ABTB3: variants seen among roughly 807,000 people sequenced by gnomAD.
The protein encoded by ABTB3 is ankyrin repeat- and BTB/POZ domain-containing protein 3.
the ABTB3 span, among the ~76,000 whole-genome samples, chr12:107,357,061 C>T: frequency 2.6e-5 from 4 of 152,220 alleles, no homozygotes; most frequent in Admixed American, 6.5e-5. Flanking sequence ...TGAGGAATCT[C>T]GTGAATTACA....
the ABTB3 span, among the ~76,000 whole-genome samples, chr12:107,365,415 T>A: frequency 1.3e-5 from 2 of 151,950 alleles, no homozygotes; most frequent in Non-Finnish European, 2.9e-5. Context: ...ATACACAGAG[T>A]AGACACACAA....
the ABTB3 span, among the ~76,000 whole-genome samples, chr12:107,487,643 T>A: frequency 2.6e-5 from 4 of 152,130 alleles, no homozygotes; most frequent in East Asian, 7.7e-4. Context: ...TATCAGCCAA[T>A]GGAATTTTAC....
the ABTB3 span, chr12:107,319,326 T>A: frequency 1.3e-6 from 2 of 1,547,044 alleles, no homozygotes; most frequent in Non-Finnish European, 1.7e-6. Context: ...AAGGACGCGC[T>A]GGCCAAGCTG....
chr12:107,357,749 C>T, the ABTB3 span, among the ~76,000 whole-genome samples: 4 of 152,260 alleles, frequency 2.6e-5, no homozygotes, highest in African/African-American at 7.2e-5. Context: ...CGTGGCACCA[C>T]GTGGGCTGCA....
At chr12:107,531,018 G>C in the ABTB3 span, among the ~76,000 whole-genome samples, 33 of 152,218 alleles carry the variant, frequency 2.2e-4, no homozygotes, top group African/African-American at 7.5e-4. Flanking sequence ...GCAGACCTTA[G>C]AGTCAGACAG....
the ABTB3 span, among the ~76,000 whole-genome samples, chr12:107,420,041 C>A: frequency 6.6e-6 from 1 of 152,158 alleles, no homozygotes; most frequent in Non-Finnish European, 1.5e-5. Context: ...AGTGGGGAAC[C>A]AGTGAAGGGT....
At chr12:107,387,730 A>G in the ABTB3 span, among the ~76,000 whole-genome samples, 17 of 152,192 alleles carry the variant, frequency 1.1e-4, no homozygotes, top group Non-Finnish European at 7.3e-5. Context: ...CCACCAGGCC[A>G]TAGCAGTGAC....
At chr12:107,469,892 TTCTTTC>T in the ABTB3 span, among the ~76,000 whole-genome samples, 3 of 106,146 alleles carry the variant, frequency 2.8e-5, no homozygotes, top group Middle Eastern at 9.8e-3. Flanking sequence ...CTTTCTTTCT[TTCTTTC>T]TTTCTTTCTT....
the ABTB3 span, chr12:107,649,324 G>A: frequency 7.5e-4 from 1,154 of 1,537,840 alleles, 11 homozygotes; most frequent in Non-Finnish European, 5.0e-5. Flanking sequence ...TGGGTGAGTG[G>A]CACTTCTGTA....
At chr12:107,594,786 A>G in the ABTB3 span, among the ~76,000 whole-genome samples, 1 of 152,126 alleles carries the variant, frequency 6.6e-6, no homozygotes, top group African/African-American at 2.4e-5. Flanking sequence ...TGAAGGCGCC[A>G]TTTTATTGTC....
At chr12:107,513,763 T>C in the ABTB3 span, among the ~76,000 whole-genome samples, 1 of 152,146 alleles carries the variant, frequency 6.6e-6, no homozygotes, top group Non-Finnish European at 1.5e-5. Flanking sequence ...GGCCATCCTA[T>C]ACATCTAGAA....
the ABTB3 span, among the ~76,000 whole-genome samples, chr12:107,415,756 A>G: frequency 1.9e-4 from 28 of 147,850 alleles, no homozygotes; most frequent in Non-Finnish European, 3.4e-4. Flanking sequence ...ACACATACTG[A>G]GACTCAGAGG....
At chr12:107,595,846 G>A in the ABTB3 span, among the ~76,000 whole-genome samples, 15 of 151,898 alleles carry the variant, frequency 9.9e-5, no homozygotes, top group East Asian at 5.8e-4. Flanking sequence ...ATATATGTAT[G>A]CACATATATT....
chr12:107,353,372 C>G, the ABTB3 span, among the ~76,000 whole-genome samples: 1 of 152,058 alleles, frequency 6.6e-6, no homozygotes, highest in Admixed American at 6.6e-5. Context: ...AAGGAATGTT[C>G]CAGATTATCA....
chr12:107,458,803 T>G, the ABTB3 span, among the ~76,000 whole-genome samples: 2 of 152,176 alleles, frequency 1.3e-5, no homozygotes, highest in Non-Finnish European at 2.9e-5. Flanking sequence ...TTCCCACAGA[T>G]GAGGCCATGA....
chr12:107,319,240 T>C, the ABTB3 span: 1 of 1,565,944 alleles, frequency 6.4e-7, no homozygotes, highest in East Asian at 2.3e-5. Flanking sequence ...TCCCCTGGAC[T>C]CTCCAGGAGC....
At chr12:107,578,964 C>G in the ABTB3 span, among the ~76,000 whole-genome samples, 22 of 152,306 alleles carry the variant, frequency 1.4e-4, no homozygotes, top group African/African-American at 4.1e-4. Context: ...GGAGCTGCGG[C>G]GGGAGCCGTG....
chr12:107,318,964 C>G, the ABTB3 span: 12 of 1,612,952 alleles, frequency 7.4e-6, no homozygotes, highest in South Asian at 3.3e-5. Context: ...GTAAGAAGCC[C>G]GTGGTGAGAA....
the ABTB3 span, among the ~76,000 whole-genome samples, chr12:107,402,444 CCT>C: frequency 1.1e-4 from 17 of 152,240 alleles, no homozygotes; most frequent in African/African-American, 3.4e-4. Context: ...CTGACAGCTG[CCT>C]CCTAGGGTTG....
Sources: gnomAD v4.1 joint callset for allele counts (sites outside exome capture counted in the v4.1 genomes callset) on GRCh38, gnomAD v4.1.1 for gene constraint, MANE v1.5 for transcripts, NCBI Gene and HGNC (gene_info 2026-07-23, HGNC 2026-07-21) for gene names.